The following WDR26 variants were observed in gnomAD, a reference collection of about 807,000 sequenced individuals.
WDR26 encodes the protein WD repeat-containing protein 26.
A neutral mutation model predicts 84.1 loss-of-function variants in WDR26; 5 were observed. The ratio of observed to expected loss-of-function variants is 0.06; its 90% CI spans 0.03 to 0.13. WDR26 has a LOEUF of 0.13. Ranked by LOEUF, WDR26 falls within the 10% of genes least tolerant of loss-of-function variation. The pLI, the probability that WDR26 is intolerant of heterozygous loss-of-function variation, is 1.00. For synonymous variants in WDR26, 415 were observed against 389.6 expected (o/e 1.07, Z -0.77); for missense variants, 642 against 974.9 (o/e 0.66, Z 4.55).
chr1:224,426,028 T>C (rs926508933), intron 3 of WDR26, among the ~76,000 whole-genome samples: 2 of 152,182 alleles, frequency 1.3e-5, no homozygotes, highest in Admixed American at 1.3e-4. Context: ...CAGCTAATTT[T>C]TGTATTTTTA....
At chr1:224,419,102 C>T (rs1038450250) in intron 5 of WDR26, among the ~76,000 whole-genome samples, 2 of 152,178 alleles carry the variant, frequency 1.3e-5, no homozygotes, top group Non-Finnish European at 2.9e-5. Context: ...ATGAAACCTG[C>T]ATTACAATCT....
intron 1 of WDR26, among the ~76,000 whole-genome samples, chr1:224,432,385 C>T (rs911499943): frequency 6.7e-6 from 1 of 149,522 alleles, no homozygotes; most frequent in Admixed American, 6.8e-5. Flanking sequence ...GTAATATGTT[C>T]TGTTAGCATT....
At chr1:224,412,325 CAGACTT>C (rs917464985) in intron 6 of WDR26, among the ~76,000 whole-genome samples, 14 of 152,138 alleles carry the variant, frequency 9.2e-5, no homozygotes, top group East Asian at 7.7e-4. Flanking sequence ...AGTAGTCTGA[CAGACTT>C]AGATTTAAAT....
intron 7 of WDR26, among the ~76,000 whole-genome samples, chr1:224,407,151 A>AAAAAAAAATATATATATATATATATAT: frequency 8.4e-5 from 1 of 11,876 alleles, no homozygotes; most frequent in Non-Finnish European, 1.4e-4. Context: ...AAAAAAAAAA[A>AAAAAAAAATATATATATATATATATAT]ATATATATAT....
intron 3 of WDR26, among the ~76,000 whole-genome samples, chr1:224,426,684 AAAAAT>A (rs1674218804): frequency 6.6e-6 from 1 of 151,818 alleles, no homozygotes; most frequent in African/African-American, 2.4e-5. Context: ...AAAAAAATCT[AAAAAT>A]AAAAGAATTT....
intron 12 of WDR26, among the ~76,000 whole-genome samples, 175 bp from the exon 13 acceptor site, chr1:224,394,188 T>C (rs1673197785): frequency 6.6e-6 from 1 of 152,182 alleles, no homozygotes; most frequent in Non-Finnish European, 1.5e-5. Flanking sequence ...AAATATACAC[T>C]TTTTTCCTGT....
At chr1:224,395,485 G>C (rs897304421) in intron 12 of WDR26, among the ~76,000 whole-genome samples, 1 of 151,964 alleles carries the variant, frequency 6.6e-6, no homozygotes, top group Non-Finnish European at 1.5e-5. Context: ...AACTTTTTGT[G>C]TGTGTATGTG....
At position 224,389,023 on chromosome 1, in the gene WDR26, T is replaced by C. The variant is rs776261884; in HGVS notation, c.*812A>G. 2.0e-5 allele frequency: 3 copies of C among 152,642 alleles called. No homozygotes were observed. The highest frequency in any genetic ancestry group is 2.9e-5 in the Non-Finnish European group (2 of 68,038). 9.5% of individuals were successfully genotyped at this position (152,642 alleles called of 1,614,324 possible). A position where few individuals can be genotyped will look rare whatever the true frequency, so the allele number is the denominator to read the frequency against. On this transcript the variant is annotated 3_prime_UTR_variant, in exon 14 of 14. Coordinates refer to ENST00000414423, the MANE Select transcript of WDR26 (RefSeq NM_001379403.1). ...TCCTTCCAAGCACTGTTTCTGACCA[T>C]GTCTCATGTGGTATTCCAGAAGAGC... is the stretch of plus-strand genomic sequence containing the variant.
intron 4 of WDR26, among the ~76,000 whole-genome samples, chr1:224,421,687 TG>T (rs1674068496): frequency 6.6e-6 from 1 of 152,168 alleles, no homozygotes; most frequent in Admixed American, 6.5e-5. Flanking sequence ...CCTAGCACTT[TG>T]GGAAGCCAAG....
At chr1:224,397,709 G>C (rs943879314) in intron 12 of WDR26, 2 of 160,074 alleles carry the variant, frequency 1.2e-5, no homozygotes, top group African/African-American at 4.8e-5. Context: ...TGATTTTTCA[G>C]ATACTACCAA....
intron 7 of WDR26, among the ~76,000 whole-genome samples, chr1:224,407,173 A>ATATATATAT (rs1558426297): frequency 1.2e-5 from 1 of 81,486 alleles, no homozygotes; most frequent in African/African-American, 5.1e-5. Context: ...TATATATATA[A>ATATATATAT]CTCAAAAACT....
At chr1:224,422,900 A>G (rs1674105322) in intron 4 of WDR26, among the ~76,000 whole-genome samples, 1 of 152,204 alleles carries the variant, frequency 6.6e-6, no homozygotes, top group Non-Finnish European at 1.5e-5. Context: ...AAGAAAAAGC[A>G]ATATGAGGCT....
chr1:224,404,735 T>C (rs565580607), intron 7 of WDR26, among the ~76,000 whole-genome samples, 165 bp from the exon 8 acceptor site: 8 of 152,326 alleles, frequency 5.3e-5, no homozygotes, highest in African/African-American at 1.4e-4. Flanking sequence ...CTCATTCACA[T>C]TGCAACATCT....
At chr1:224,433,609 C>CCCCCCCA in intron 1 of WDR26, 75 bp downstream of exon 1, 2 of 750,716 alleles carry the variant, frequency 2.7e-6, no homozygotes, top group Non-Finnish European at 1.8e-6. Flanking sequence ...CTCCCCCCTC[C>CCCCCCCA]GCCCCTTCCC....
In WDR26 at chr1:224,389,676, G is replaced by A. The variant is rs1673070623; in HGVS notation, c.*159C>T. The A allele has an allele frequency of 1.4e-6, 1 of 726,620 alleles. No homozygotes were observed. The highest frequency in any genetic ancestry group is 2.4e-6 in the Non-Finnish European group (1 of 418,958). The allele number at this position is 726,620 out of a possible 1,614,324, so 45.0% of individuals were successfully genotyped here. A position where few individuals can be genotyped will look rare whatever the true frequency, so the allele number is the denominator to read the frequency against. ...TCTCAACTGGTTACTATGAAGCAAG[G>A]TGTAAATGTTTGGCCCCAATCGGGC... On this transcript the variant is annotated 3_prime_UTR_variant, in exon 14 of 14. Transcript: ENST00000414423.
chr1:224,434,314 G>T lies in WDR26; in HGVS notation c.92C>A (p.Pro31His). 1.6e-6 allele frequency: 2 copies of T among 1,232,938 alleles called. No homozygotes were observed. The highest frequency in any genetic ancestry group is 2.0e-6 in the Non-Finnish European group (2 of 988,826). 76.4% of individuals were successfully genotyped at this position (1,232,938 alleles called of 1,614,324 possible). A position where few individuals can be genotyped will look rare whatever the true frequency, so the allele number is the denominator to read the frequency against. ...TACTCCCTCCGCCGCCGAGGCTCGG[G>T]GTTTCTTCCGCGGGGGCGGGGAGGC... The change falls in exon 1 of 14, where the codon CCC (proline) becomes CAC (histidine). Residue 31 changes from proline to histidine, a missense_variant. Coordinates refer to ENST00000414423, the MANE Select transcript of WDR26 (RefSeq NM_001379403.1).
At chr1:224,429,871 A>G (rs962529642) in intron 3 of WDR26, 16 of 152,354 alleles carry the variant, frequency 1.1e-4, no homozygotes, top group African/African-American at 3.8e-4. Context: ...CTATAAACAA[A>G]TAAGAAAAAA....
intron 3 of WDR26, among the ~76,000 whole-genome samples, chr1:224,427,327 T>A (rs1347107632): frequency 6.6e-6 from 1 of 152,064 alleles, no homozygotes; most frequent in Non-Finnish European, 1.5e-5. Context: ...ATATTTATTT[T>A]TTTTGGTATC....
chr1:224,422,749 C>T (rs1674101116), intron 4 of WDR26, among the ~76,000 whole-genome samples: 1 of 151,056 alleles, frequency 6.6e-6, no homozygotes, highest in Non-Finnish European at 1.5e-5. Flanking sequence ...AGAGTGAAGA[C>T]AATGTAACTA....
Sources: gnomAD v4.1 joint callset for allele counts (sites outside exome capture counted in the v4.1 genomes callset) on GRCh38, gnomAD v4.1.1 for gene constraint, MANE v1.5 for transcripts, NCBI Gene and HGNC (gene_info 2026-07-23, HGNC 2026-07-21) for gene names.